Variants in PLPPR1 observed in about 807,000 individuals in gnomAD.
The protein encoded by PLPPR1 is phospholipid phosphatase-related protein type 1.
PLPPR1 carries 10 observed loss-of-function variants against 33.1 expected under a neutral mutation model. The observed-to-expected ratio is 0.30, with a 90% confidence interval of 0.19 to 0.51. PLPPR1 has a LOEUF of 0.51. Among genes scored for constraint, PLPPR1 ranks in the 20% least tolerant of loss-of-function variants. The pLI, the probability that PLPPR1 is intolerant of heterozygous loss-of-function variation, is 0.97. For missense variants in PLPPR1, 304 were observed against 408.1 expected (o/e 0.74, Z 2.20); for synonymous variants, 151 against 151.0 (o/e 1.00, Z 0.00).
chr9:101,179,951 T>C (rs893645344), intron 1 of PLPPR1, among the ~76,000 whole-genome samples: 1 of 151,728 alleles, frequency 6.6e-6, no homozygotes, highest in East Asian at 1.9e-4. Context: ...ATTTCTCCCA[T>C]GCTGGATGCT....
Position 101,181,856 on chromosome 9 carries a change from A to G in PLPPR1, c.-45-3594A>G, listed in dbSNP as rs532136212. Among the ~76,000 whole-genome samples the G allele has an allele frequency of 2.0e-3, 301 of 147,480 alleles. 4 individuals carry two copies. The highest frequency in any genetic ancestry group is 1.8e-3 in the Non-Finnish European group (117 of 66,552). ...GTATATATATAGTGTGCATGTGTGT[A>G]TATATATATATACACACACATATAT... On this transcript the variant is annotated intron_variant, in intron 1 of 7. Transcript: ENST00000374874.
intron 1 of PLPPR1, among the ~76,000 whole-genome samples, chr9:101,132,801 G>T (rs1335248458): frequency 1.3e-5 from 2 of 152,130 alleles, no homozygotes; most frequent in Non-Finnish European, 2.9e-5. Context: ...TCCCAATTTT[G>T]CTGTAAACCT....
chr9:101,138,199 G>A (rs1302684688), intron 1 of PLPPR1, among the ~76,000 whole-genome samples: 1 of 152,156 alleles, frequency 6.6e-6, no homozygotes, highest in African/African-American at 2.4e-5. Context: ...TGCCACTGAG[G>A]TGATTTTGAG....
intron 1 of PLPPR1, among the ~76,000 whole-genome samples, chr9:101,050,061 G>A (rs563091214): frequency 1.4e-5 from 2 of 146,950 alleles, no homozygotes; most frequent in South Asian, 2.3e-4. Context: ...GGAGGCGGAG[G>A]TTGCAGTGAG....
intron 1 of PLPPR1, among the ~76,000 whole-genome samples, chr9:101,082,018 A>C (rs1243609461): frequency 6.6e-6 from 1 of 152,238 alleles, no homozygotes; most frequent in Non-Finnish European, 1.5e-5. Context: ...TAGATATTGA[A>C]GAGTTGTCCC....
intron 4 of PLPPR1, among the ~76,000 whole-genome samples, chr9:101,302,275 T>C (rs117554945): frequency 0.023 from 3,436 of 152,314 alleles, 73 homozygotes; most frequent in Non-Finnish European, 0.031. Context: ...ATTGTTATTA[T>C]TACCTGGTAT....
At chr9:101,243,012 G>A (rs987388510) in intron 2 of PLPPR1, among the ~76,000 whole-genome samples, 1 of 152,036 alleles carries the variant, frequency 6.6e-6, no homozygotes, top group African/African-American at 2.4e-5. Flanking sequence ...CACTTATTAT[G>A]CCTCAAAGAA....
At chr9:101,295,036 G>A (rs1828595321) in intron 4 of PLPPR1, among the ~76,000 whole-genome samples, 1 of 152,192 alleles carries the variant, frequency 6.6e-6, no homozygotes, top group Admixed American at 6.5e-5. Flanking sequence ...TGACATGATT[G>A]TATATCTCAA....
At chr9:101,137,842 A>G (rs1831395943) in intron 1 of PLPPR1, among the ~76,000 whole-genome samples, 1 of 152,222 alleles carries the variant, frequency 6.6e-6, no homozygotes, top group South Asian at 2.1e-4. Flanking sequence ...GATTCCCAAA[A>G]CAGCCCTGAC....
At chr9:101,269,580 G>A (rs1271118385) in intron 2 of PLPPR1, among the ~76,000 whole-genome samples, 3 of 152,084 alleles carry the variant, frequency 2.0e-5, no homozygotes, top group South Asian at 2.1e-4. Context: ...CTTGGTTCCC[G>A]TGCATACTCT....
intron 1 of PLPPR1, among the ~76,000 whole-genome samples, chr9:101,079,761 G>T (rs1344428358): frequency 6.6e-6 from 1 of 152,036 alleles, no homozygotes; most frequent in African/African-American, 2.4e-5. Flanking sequence ...TGTATTTTTA[G>T]TAGAGGCTTG....
chr9:101,169,795 T>C (rs1825913082), intron 1 of PLPPR1, among the ~76,000 whole-genome samples: 1 of 152,120 alleles, frequency 6.6e-6, no homozygotes, highest in African/African-American at 2.4e-5. Context: ...TCATCTCTCT[T>C]TTCAATTTTA....
intron 1 of PLPPR1, among the ~76,000 whole-genome samples, chr9:101,083,909 T>G (rs1830649288): frequency 6.6e-6 from 1 of 152,226 alleles, no homozygotes; most frequent in African/African-American, 2.4e-5. Context: ...ACTGCCTAAT[T>G]AATCTTTACA....
intron 1 of PLPPR1, among the ~76,000 whole-genome samples, chr9:101,114,510 C>T (rs1395614960): frequency 6.6e-6 from 1 of 152,178 alleles, no homozygotes; most frequent in African/African-American, 2.4e-5. Context: ...GGTCACTCTG[C>T]AGGGAGAGAG....
chr9:101,301,351 A>G (rs1828748754), intron 4 of PLPPR1, among the ~76,000 whole-genome samples: 1 of 152,196 alleles, frequency 6.6e-6, no homozygotes, highest in Admixed American at 6.5e-5. Flanking sequence ...TCCCTTAGTT[A>G]CATCTACTTC....
chr9:101,110,402 C>T (rs1170047652), intron 1 of PLPPR1, among the ~76,000 whole-genome samples: 1 of 152,114 alleles, frequency 6.6e-6, no homozygotes, highest in Non-Finnish European at 1.5e-5. Flanking sequence ...AATATGGAGA[C>T]ATCTAGCAAA....
chr9:101,232,337 C>T (rs1036515567), intron 2 of PLPPR1, among the ~76,000 whole-genome samples: 1 of 152,012 alleles, frequency 6.6e-6, no homozygotes, highest in Admixed American at 6.6e-5. Context: ...AGTGTCTGTT[C>T]TCACTGTGGT....
chr9:101,312,701 T>TG, intron 5 of PLPPR1, 97 bp from the exon 6 acceptor site: 1 of 909,150 alleles, frequency 1.1e-6, no homozygotes. Flanking sequence ...CACAAGCCCC[T>TG]GCTTGTGTAT....
chr9:101,109,211 C>G (rs1401430130), intron 1 of PLPPR1, among the ~76,000 whole-genome samples: 1 of 148,212 alleles, frequency 6.7e-6, no homozygotes, highest in African/African-American at 2.5e-5. Flanking sequence ...CCTGACGTCA[C>G]GATCCGCCGG....
Sources: gnomAD v4.1 joint callset for allele counts (sites outside exome capture counted in the v4.1 genomes callset) on GRCh38, gnomAD v4.1.1 for gene constraint, MANE v1.5 for transcripts, NCBI Gene and HGNC (gene_info 2026-07-23, HGNC 2026-07-21) for gene names.